The following LRRC7 variants were observed in gnomAD, a reference collection of about 807,000 sequenced individuals.
LRRC7 encodes the protein leucine-rich repeat-containing protein 7.
LRRC7 carries 23 observed loss-of-function variants against 175.7 expected under a neutral mutation model. That is an observed-to-expected ratio of 0.13 (90% CI 0.09 to 0.19). LRRC7 has a LOEUF of 0.19. Ranked by LOEUF, LRRC7 falls within the 10% of genes least tolerant of loss-of-function variation. The probability of loss-of-function intolerance (pLI) is 1.00; values close to 1 mark genes in which losing one functional copy is unlikely to be tolerated. For synonymous variants in LRRC7, 685 were observed against 680.9 expected (o/e 1.01, Z -0.09); for missense variants, 1,354 against 1,904.7 (o/e 0.71, Z 5.38).
intron 7 of LRRC7, among the ~76,000 whole-genome samples, chr1:69,886,439 G>C (rs6424601): frequency 0.56 from 84,379 of 150,162 alleles, 23,805 homozygotes; most frequent in East Asian, 0.7. Context: ...AGGATTGCAA[G>C]CCCTGCCTTT....
chr1:69,702,443 T>C (rs1460629599), intron 2 of LRRC7, among the ~76,000 whole-genome samples: 1 of 152,176 alleles, frequency 6.6e-6, no homozygotes, highest in Non-Finnish European at 1.5e-5. Context: ...GGATAATCCA[T>C]GGTAGAACAA....
At chr1:69,608,879 TATATATATATATATATATATAC>T (rs1194736520) in intron 1 of LRRC7, among the ~76,000 whole-genome samples, 1 of 111,506 alleles carries the variant, frequency 9.0e-6, no homozygotes, top group Non-Finnish European at 1.9e-5. Context: ...TATATATATA[TATATATATATATATATATATAC>T]ACACACACAC....
chr1:69,640,950 A>T (rs985845851), intron 1 of LRRC7, among the ~76,000 whole-genome samples: 3 of 151,860 alleles, frequency 2.0e-5, no homozygotes, highest in Middle Eastern at 3.5e-3. Flanking sequence ...CCTTTCAAAA[A>T]TAATGAAATT....
chr1:69,624,677 T>C (rs1004529288), intron 1 of LRRC7, among the ~76,000 whole-genome samples: 2 of 152,158 alleles, frequency 1.3e-5, no homozygotes, highest in African/African-American at 4.8e-5. Flanking sequence ...TACTTTTGTA[T>C]ATGTCATGAT....
rs1666731649 is a variant in LRRC7, at chr1:70,132,910, G to A, written c.*11023G>A. Among the ~76,000 whole-genome samples, 1 of 152,110 alleles carries A rather than the reference G, an allele frequency of 6.6e-6. No individual in the cohort carries two copies. The highest frequency in any genetic ancestry group is 2.1e-4 in the South Asian group (1 of 4,828). On this transcript the variant is annotated 3_prime_UTR_variant, in exon 27 of 27. Coordinates refer to ENST00000651989, the MANE Select transcript of LRRC7 (RefSeq NM_001370785.2). ...TCTGGTTCATTTGTCTATCTTCAGG[G>A]AAGGATTCATGCTATTCTTAAATTC...
chr1:69,621,768 T>C (rs1650650603), intron 1 of LRRC7, among the ~76,000 whole-genome samples: 1 of 152,216 alleles, frequency 6.6e-6, no homozygotes, highest in Admixed American at 6.5e-5. Flanking sequence ...CTTACTGCCA[T>C]GTAGTTTCCC....
intron 22 of LRRC7, among the ~76,000 whole-genome samples, chr1:70,046,742 C>G (rs1660360679): frequency 6.6e-6 from 1 of 152,118 alleles, no homozygotes. Context: ...CTGCTTCCTC[C>G]CACGAATTCC....
chr1:69,641,110 A>G (rs1404067503), intron 1 of LRRC7, among the ~76,000 whole-genome samples: 3 of 151,714 alleles, frequency 2.0e-5, no homozygotes, highest in Admixed American at 6.6e-5. Flanking sequence ...TATTTTTTCC[A>G]TGTAACAAGT....
chr1:70,043,909 G>T, intron 21 of LRRC7, 45 bp from the exon 22 acceptor site: 1 of 1,547,800 alleles, frequency 6.5e-7, no homozygotes, highest in East Asian at 2.3e-5. Context: ...TCAGTTTGTT[G>T]AGCATGTGTT....
intron 2 of LRRC7, among the ~76,000 whole-genome samples, chr1:69,725,637 G>A (rs1404270339): frequency 6.6e-6 from 1 of 152,182 alleles, no homozygotes; most frequent in Non-Finnish European, 1.5e-5. Flanking sequence ...TTTTTAATAT[G>A]ATTAGAGGAA....
At chr1:69,815,244 A>G (rs1174306882) in intron 4 of LRRC7, among the ~76,000 whole-genome samples, 1 of 152,168 alleles carries the variant, frequency 6.6e-6, no homozygotes, top group African/African-American at 2.4e-5. Flanking sequence ...GGTGACAAAC[A>G]TCCTACAGAA....
chr1:69,684,335 AG>A (rs1349493807), intron 2 of LRRC7, among the ~76,000 whole-genome samples: 1 of 152,002 alleles, frequency 6.6e-6, no homozygotes, highest in Non-Finnish European at 1.5e-5. Context: ...ATGCATCACA[AG>A]AATCTGCTGG....
Position 70,039,124 on chromosome 1 carries a change from C to G in LRRC7, c.3300C>G (p.Ala1100=). 6.2e-7 allele frequency: 1 copy of G among 1,614,076 alleles called. No individual in the cohort carries two copies. The change falls in exon 21 of 27, where the codon GCC becomes GCG. Residue 1100 remains alanine, a synonymous_variant. Coordinates refer to ENST00000651989, the MANE Select transcript of LRRC7 (RefSeq NM_001370785.2). ...ACAATCCCGAGTACGTGCAACAGGCCAGCAAAAACATCGCCAAGGATTTGA... is the reference window on the plus strand; with the variant it reads ...ACAATCCCGAGTACGTGCAACAGGCGAGCAAAAACATCGCCAAGGATTTGA... The part of the protein sequence containing the change: ...FQHNPEYVQQ[A]SKNIAKDLIS...
intron 2 of LRRC7, among the ~76,000 whole-genome samples, chr1:69,700,419 T>G (rs2100693563): frequency 6.6e-6 from 1 of 152,378 alleles, no homozygotes; most frequent in African/African-American, 2.4e-5. Flanking sequence ...TTGATCTGGC[T>G]TTCTTACTCC....
At chr1:69,603,075 T>C (rs1020890665) in intron 1 of LRRC7, among the ~76,000 whole-genome samples, 11 of 152,194 alleles carry the variant, frequency 7.2e-5, no homozygotes, top group African/African-American at 2.7e-4. Flanking sequence ...TGACTATACA[T>C]GCATTATTCC....
chr1:69,915,572 C>G (rs904864020), intron 7 of LRRC7, among the ~76,000 whole-genome samples: 1 of 152,048 alleles, frequency 6.6e-6, no homozygotes, highest in Non-Finnish European at 1.5e-5. Context: ...GTTAGAGATT[C>G]ACAACGAACA....
Position 69,736,869 on chromosome 1 carries a change from C to T in LRRC7, c.101-23322C>T, listed in dbSNP as rs989517021. Among the ~76,000 whole-genome samples the T allele has an allele frequency of 3.9e-5, 6 of 152,100 alleles. No individual in the cohort carries two copies. The East Asian group carries it at 1.2e-3, about 29-fold the overall frequency. On this transcript the variant is annotated intron_variant, in intron 2 of 26. Transcript: ENST00000651989. ...TTTACACTGCCTTTGATATTATTAG[C>T]CTTTGGATTAATGTGAGACAATAAG...
At chr1:69,856,522 A>G (rs144085064) in intron 7 of LRRC7, among the ~76,000 whole-genome samples, 3,542 of 152,282 alleles carry the variant, frequency 0.023, 125 homozygotes, top group African/African-American at 0.082. Flanking sequence ...GAAGAAATGG[A>G]TGAATTCCTG....
At chr1:70,117,494 C>T (rs1665938223) in intron 26 of LRRC7, among the ~76,000 whole-genome samples, 2 of 152,124 alleles carry the variant, frequency 1.3e-5, no homozygotes, top group Admixed American at 1.3e-4. Flanking sequence ...ATACTATTTT[C>T]ATTAACCTTC....
Sources: gnomAD v4.1 joint callset for allele counts (sites outside exome capture counted in the v4.1 genomes callset) on GRCh38, gnomAD v4.1.1 for gene constraint, MANE v1.5 for transcripts, NCBI Gene and HGNC (gene_info 2026-07-23, HGNC 2026-07-21) for gene names.